CRPPA: variants seen among roughly 807,000 people sequenced by gnomAD.
CRPPA encodes D-ribitol-5-phosphate cytidylyltransferase.
In CRPPA, 43 loss-of-function variants were observed where a neutral mutation model predicts 52.0. The observed-to-expected ratio is 0.83, with a 90% CI of 0.65 to 1.07. The LOEUF (loss-of-function observed/expected upper bound fraction) is 1.07. Among genes scored for constraint, CRPPA ranks in the 50% least tolerant of loss-of-function variants. The pLI is 0.00. For missense variants in CRPPA, 629 were observed against 551.7 expected (o/e 1.14, Z -1.40); for synonymous variants, 250 against 203.5 (o/e 1.23, Z -1.94).
At chr7:16,296,165 A>G (rs946670636) in intron 5 of CRPPA, among the ~76,000 whole-genome samples, 9 of 152,216 alleles carry the variant, frequency 5.9e-5, no homozygotes, top group Non-Finnish European at 1.3e-4. Context: ...AAACACACTG[A>G]TGCTAAAATA....
At chr7:16,370,366 A>T (rs1786716860) in intron 3 of CRPPA, among the ~76,000 whole-genome samples, 1 of 152,144 alleles carries the variant, frequency 6.6e-6, no homozygotes, top group South Asian at 2.1e-4. Context: ...CAACCAAGGA[A>T]TCTCAGAGTC....
At position 16,388,893 on chromosome 7, in the gene CRPPA, T is replaced by C. The variant is rs916932464; in HGVS notation, c.535-12652A>G. ...TCCATCTCAAACCAACAAAAACAGTTCACAACCTTTGACGAAAAAAAAAGG... is the reference window on the plus strand; with the variant it reads ...TCCATCTCAAACCAACAAAAACAGTCCACAACCTTTGACGAAAAAAAAAGG... On this transcript the variant is annotated intron_variant, in intron 2 of 9. Transcript: ENST00000407010. Among the ~76,000 whole-genome samples, 6 of 151,742 alleles carry C rather than the reference T, an allele frequency of 4.0e-5. No individual in the cohort carries two copies. The East Asian group carries it at 1.2e-3, about 29-fold the overall frequency.
intron 9 of CRPPA, among the ~76,000 whole-genome samples, chr7:16,107,743 C>T (rs1488282708): frequency 6.6e-6 from 1 of 151,694 alleles, no homozygotes; most frequent in Non-Finnish European, 1.5e-5. Flanking sequence ...GATGGTAAGA[C>T]CTAGTATGAG....
chr7:16,149,945 C>A (rs1460157857), intron 9 of CRPPA, among the ~76,000 whole-genome samples: 2 of 151,046 alleles, frequency 1.3e-5, no homozygotes, highest in African/African-American at 4.9e-5. Flanking sequence ...GAGATCGCAC[C>A]ACTGCACTCC....
chr7:16,409,868 T>C (rs980421973), intron 1 of CRPPA, among the ~76,000 whole-genome samples: 3 of 152,192 alleles, frequency 2.0e-5, no homozygotes, highest in African/African-American at 7.2e-5. Context: ...GTAGGCTCCA[T>C]ATAGAGACAA....
chr7:16,127,735 T>C (rs1436161890), intron 9 of CRPPA, among the ~76,000 whole-genome samples: 1 of 152,052 alleles, frequency 6.6e-6, no homozygotes, highest in Non-Finnish European at 1.5e-5. Flanking sequence ...AAATCACCAA[T>C]AAAAATTAAT....
intron 2 of CRPPA, among the ~76,000 whole-genome samples, chr7:16,400,814 CGT>C (rs1562684649): frequency 2.0e-5 from 3 of 152,194 alleles, no homozygotes; most frequent in African/African-American, 4.8e-5. Context: ...ATGCCTGACA[CGT>C]GTGTGACATT....
chr7:16,139,803 C>G (rs1049389930), intron 9 of CRPPA, among the ~76,000 whole-genome samples: 9 of 152,092 alleles, frequency 5.9e-5, no homozygotes, highest in Admixed American at 6.5e-5. Flanking sequence ...TAAGAATTAA[C>G]ACAATTTAAA....
intron 2 of CRPPA, among the ~76,000 whole-genome samples, chr7:16,388,486 AAAG>A (rs1562672678): frequency 2.0e-5 from 3 of 152,192 alleles, no homozygotes; most frequent in African/African-American, 7.2e-5. Context: ...ACACTGGGGG[AAAG>A]AAGAACTAAA....
At chr7:16,215,057 G>C (rs1258387310) in intron 9 of CRPPA, among the ~76,000 whole-genome samples, 2 of 152,154 alleles carry the variant, frequency 1.3e-5, no homozygotes, top group African/African-American at 2.4e-5. Context: ...AAAACCAAGG[G>C]ATTAGCTAAA....
chr7:16,164,820 C>A lies in CRPPA; in HGVS notation c.1251+51246G>T, dbSNP rs191919584. Among the ~76,000 whole-genome samples, 3 of 152,242 alleles carry A rather than the reference C, an allele frequency of 2.0e-5. No homozygotes were observed. In the East Asian group the frequency reaches 5.8e-4, roughly 29 times the overall value. ...GTCCACTACAGACACTGTTTGCCCACGTATTGCCAGCAGAGGCTGCAGAAC... is the reference window on the plus strand; with the variant it reads ...GTCCACTACAGACACTGTTTGCCCAAGTATTGCCAGCAGAGGCTGCAGAAC... On this transcript the variant is annotated intron_variant, in intron 9 of 9. Coordinates refer to ENST00000407010, the MANE Select transcript of CRPPA (RefSeq NM_001101426.4).
chr7:16,382,940 T>G (rs1422314230), intron 2 of CRPPA, among the ~76,000 whole-genome samples: 1 of 152,218 alleles, frequency 6.6e-6, no homozygotes, highest in African/African-American at 2.4e-5. Flanking sequence ...GGCTTGAATT[T>G]CCTCCTGTAC....
chr7:16,397,181 T>G (rs1377927027), intron 2 of CRPPA, among the ~76,000 whole-genome samples: 1 of 152,250 alleles, frequency 6.6e-6, no homozygotes, highest in African/African-American at 2.4e-5. Flanking sequence ...CACGACACAT[T>G]ATCAAAACGT....
chr7:16,204,406 G>A (rs1344751841), intron 9 of CRPPA, among the ~76,000 whole-genome samples: 2 of 152,110 alleles, frequency 1.3e-5, no homozygotes, highest in African/African-American at 4.8e-5. Context: ...TCAGTTATTA[G>A]TGGGAGCTAA....
At chr7:16,338,894 C>A (rs1365902466) in intron 3 of CRPPA, among the ~76,000 whole-genome samples, 1 of 148,464 alleles carries the variant, frequency 6.7e-6, no homozygotes, top group East Asian at 2.0e-4. Context: ...CGGCTCACTG[C>A]AAGCTCTGCC....
At position 16,337,629 on chromosome 7, in the gene CRPPA, T is replaced by C. The variant is rs776043693; in HGVS notation, c.685-29002A>G. On this transcript the variant is annotated intron_variant, in intron 3 of 9. Transcript: ENST00000407010. ...TTTTTTTGCAAATTAGAAAACTCCT[T>C]AGCTAGACTAGGAAAAACCAAGACT... Among the ~76,000 whole-genome samples the C allele has an allele frequency of 1.0e-3, 154 of 152,222 alleles. 1 individual carries two copies. The highest frequency in any genetic ancestry group is 1.8e-3 in the Non-Finnish European group (125 of 67,986).
At chr7:16,150,866 G>A (rs767264331) in intron 9 of CRPPA, among the ~76,000 whole-genome samples, 17 of 152,124 alleles carry the variant, frequency 1.1e-4, no homozygotes, top group Non-Finnish European at 2.1e-4. Context: ...GATACCAAAC[G>A]AGTTTTTTAT....
chr7:16,381,934 A>G (rs1408274146), intron 2 of CRPPA, among the ~76,000 whole-genome samples: 1 of 151,948 alleles, frequency 6.6e-6, no homozygotes, highest in Non-Finnish European at 1.5e-5. Context: ...ATGGGTCTTC[A>G]CTCTTTATCC....
chr7:16,409,367 T>C (rs1208328088), intron 1 of CRPPA, among the ~76,000 whole-genome samples: 4 of 152,212 alleles, frequency 2.6e-5, no homozygotes, highest in Non-Finnish European at 5.9e-5. Context: ...TTTGTGGTAA[T>C]TTTTATAGCA....
Sources: gnomAD v4.1 joint callset for allele counts (sites outside exome capture counted in the v4.1 genomes callset) on GRCh38, gnomAD v4.1.1 for gene constraint, MANE v1.5 for transcripts, NCBI Gene and HGNC (gene_info 2026-07-23, HGNC 2026-07-21) for gene names.